Variants in LRMDA observed in about 807,000 individuals in gnomAD.
LRMDA encodes leucine rich melanocyte differentiation associated.
LRMDA carries 18 observed loss-of-function variants against 29.8 expected under a neutral mutation model. The observed-to-expected ratio is 0.60, with a 90% CI of 0.42 to 0.90. The LOEUF (loss-of-function observed/expected upper bound fraction) is 0.90. Among genes scored for constraint, LRMDA ranks in the 40% least tolerant of loss-of-function variants. The pLI is 0.00. For synonymous variants in LRMDA, 125 were observed against 109.4 expected (o/e 1.14, Z -0.89); for missense variants, 273 against 273.9 (o/e 1.00, Z 0.02).
chr10:76,260,697 C>T (rs886154745), intron 5 of LRMDA: 2 of 152,114 alleles, frequency 1.3e-5, no homozygotes, highest in African/African-American at 4.8e-5. Flanking sequence ...ATTTGGAGTT[C>T]CTTGATCTTC....
chr10:75,463,578 C>T (rs1373611039), intron 2 of LRMDA, among the ~76,000 whole-genome samples: 1 of 151,968 alleles, frequency 6.6e-6, no homozygotes, highest in Non-Finnish European at 1.5e-5. Context: ...ACCTCCGCCT[C>T]CTGGGTTCAA....
chr10:75,499,672 G>T (rs139283157), intron 2 of LRMDA, among the ~76,000 whole-genome samples: 74 of 152,292 alleles, frequency 4.9e-4, no homozygotes, highest in African/African-American at 1.5e-3. Context: ...GCTGGGAGTT[G>T]GCCTGAGCAG....
At chr10:75,697,288 C>T (rs1030494662) in intron 2 of LRMDA, among the ~76,000 whole-genome samples, 1 of 150,902 alleles carries the variant, frequency 6.6e-6, no homozygotes, top group Non-Finnish European at 1.5e-5. Flanking sequence ...TTAGAAGACA[C>T]TGTTGGTTGA....
chr10:75,540,397 G>A (rs1840001495), intron 2 of LRMDA, among the ~76,000 whole-genome samples: 1 of 152,208 alleles, frequency 6.6e-6, no homozygotes, highest in Non-Finnish European at 1.5e-5. Flanking sequence ...AGGCTTATAG[G>A]AAGACCAGGC....
intron 2 of LRMDA, among the ~76,000 whole-genome samples, chr10:75,823,560 T>G (rs924752903): frequency 2.6e-5 from 4 of 152,280 alleles, no homozygotes; most frequent in African/African-American, 9.6e-5. Flanking sequence ...GAAAACAGTA[T>G]GGACATTTCT....
intron 2 of LRMDA, among the ~76,000 whole-genome samples, chr10:75,747,870 T>C (rs766338575): frequency 1.1e-4 from 16 of 152,146 alleles, no homozygotes; most frequent in Non-Finnish European, 2.4e-4. Context: ...TTTTTAAAAA[T>C]TAAATCAATT....
At chr10:76,419,657 T>C (rs1842053202) in intron 6 of LRMDA, among the ~76,000 whole-genome samples, 1 of 152,108 alleles carries the variant, frequency 6.6e-6, no homozygotes, top group African/African-American at 2.4e-5. Context: ...CCATAATGGC[T>C]GTACCATTTT....
intron 6 of LRMDA, among the ~76,000 whole-genome samples, chr10:76,480,929 C>T (rs1039039164): frequency 4.6e-5 from 7 of 151,782 alleles, no homozygotes; most frequent in South Asian, 2.1e-4. Flanking sequence ...ATTGGGACAG[C>T]GACTCAATGG....
chr10:76,370,319 C>T (rs944000440), intron 6 of LRMDA, among the ~76,000 whole-genome samples: 4 of 152,042 alleles, frequency 2.6e-5, no homozygotes, highest in Admixed American at 6.6e-5. Flanking sequence ...TGGCTTTAAT[C>T]CTCTGTGCCT....
At chr10:75,615,972 G>A (rs541757392) in intron 2 of LRMDA, among the ~76,000 whole-genome samples, 1 of 152,204 alleles carries the variant, frequency 6.6e-6, no homozygotes, top group East Asian at 1.9e-4. Context: ...TTTAATTTCT[G>A]AATTAATAGG....
intron 2 of LRMDA, among the ~76,000 whole-genome samples, chr10:75,886,391 A>G (rs574405591): frequency 1.3e-5 from 2 of 152,320 alleles, no homozygotes; most frequent in African/African-American, 2.4e-5. Context: ...AAATAGGTCT[A>G]TGACATATCA....
intron 2 of LRMDA, among the ~76,000 whole-genome samples, chr10:76,003,141 A>G (rs1847589151): frequency 6.6e-6 from 1 of 152,184 alleles, no homozygotes; most frequent in Non-Finnish European, 1.5e-5. Flanking sequence ...GCATTTAGAA[A>G]GCCATCAGAA....
chr10:76,165,276 A>G (rs1373586296), intron 5 of LRMDA, among the ~76,000 whole-genome samples: 2 of 151,980 alleles, frequency 1.3e-5, no homozygotes, highest in Admixed American at 1.3e-4. Flanking sequence ...CCCAGCCAAA[A>G]AGAGAGTTTT....
chr10:75,923,814 T>G (rs1186311892), intron 2 of LRMDA, among the ~76,000 whole-genome samples: 2 of 152,136 alleles, frequency 1.3e-5, no homozygotes, highest in Non-Finnish European at 2.9e-5. Context: ...ATTCCCTTTT[T>G]TGCACCCCTC....
At chr10:75,681,143 G>C (rs1050413478) in intron 2 of LRMDA, among the ~76,000 whole-genome samples, 4 of 152,118 alleles carry the variant, frequency 2.6e-5, no homozygotes, top group African/African-American at 9.7e-5. Flanking sequence ...TTATTGATTT[G>C]AGTCATACTC....
intron 5 of LRMDA, among the ~76,000 whole-genome samples, chr10:76,158,905 A>G (rs887343703): frequency 1.3e-5 from 2 of 152,214 alleles, no homozygotes; most frequent in Non-Finnish European, 2.9e-5. Flanking sequence ...AATTTGAAGC[A>G]AAATAAATGT....
intron 2 of LRMDA, among the ~76,000 whole-genome samples, chr10:75,899,088 C>G (rs1845629835): frequency 6.6e-6 from 1 of 152,188 alleles, no homozygotes; most frequent in Non-Finnish European, 1.5e-5. Context: ...TAGTCAGGTT[C>G]ATATATAGGG....
chr10:75,465,060 C>T (rs1381090078), intron 2 of LRMDA, among the ~76,000 whole-genome samples: 1 of 152,188 alleles, frequency 6.6e-6, no homozygotes, highest in African/African-American at 2.4e-5. Flanking sequence ...AGACCTTTTC[C>T]TGGCTGACCC....
intron 5 of LRMDA, 106 bp from the exon 6 acceptor site, chr10:76,324,295 A>G (rs1169638541): frequency 2.1e-6 from 2 of 962,464 alleles, no homozygotes; most frequent in East Asian, 2.4e-5. Context: ...TTGGTGAATA[A>G]TATTTTCTCC....
Sources: gnomAD v4.1 joint callset for allele counts (sites outside exome capture counted in the v4.1 genomes callset) on GRCh38, gnomAD v4.1.1 for gene constraint, MANE v1.5 for transcripts, NCBI Gene and HGNC (gene_info 2026-07-23, HGNC 2026-07-21) for gene names.